Variants in NAA25 observed in about 807,000 individuals in gnomAD.
NAA25 encodes the protein N-alpha-acetyltransferase 25, NatB auxiliary subunit.
A neutral mutation model predicts 132.5 loss-of-function variants in NAA25; 30 were observed. The ratio of observed to expected loss-of-function variants is 0.23; its 90% CI spans 0.17 to 0.31. The LOEUF is 0.31. Among genes scored for constraint, NAA25 ranks in the 10% least tolerant of loss-of-function variants. NAA25 has a pLI of 1.00. For synonymous variants in NAA25, 359 were observed against 401.9 expected (o/e 0.89, Z 1.28); for missense variants, 771 against 1,150.4 (o/e 0.67, Z 4.77).
Position 112,040,491 on chromosome 12 carries a change from A to G in NAA25, c.2528T>C (p.Phe843Ser). 1 of 1,583,836 alleles carries G rather than the reference A, an allele frequency of 6.3e-7. No homozygotes were observed. Among genetic ancestry groups the G allele is most frequent in the Non-Finnish European group, 8.7e-7 (1 of 1,156,052 alleles). ...THPTLLENLVFFVETISVILW... is the reference protein window; with the variant it reads ...THPTLLENLVSFVETISVILW... The stretch of plus-strand genomic sequence containing the variant: ...AGAACAAAAACTTACCTCAACAAAG[A>G]AAACTAGATTTTCTAAAAGAGTAGG... The change falls in exon 21 of 24, where the codon TTC becomes TCC. Residue 843 changes from phenylalanine to serine, a missense_variant. Phe to Ser is a radical substitution (Grantham distance 155). Coordinates refer to ENST00000261745, the MANE Select transcript of NAA25 (RefSeq NM_024953.4).
Position 112,027,232 on chromosome 12 carries a change from A to G in NAA25, c.*2299T>C, listed in dbSNP as rs1362037345. 6.6e-6 allele frequency: 1 copy of G among 152,556 alleles called. No individual in the cohort carries two copies. Among genetic ancestry groups the G allele is most frequent in the Non-Finnish European group, 1.5e-5 (1 of 68,026 alleles). The allele number at this position is 152,556 out of a possible 1,614,324, so 9.5% of individuals were successfully genotyped here. A position where few individuals can be genotyped will look rare whatever the true frequency, so the allele number is the denominator to read the frequency against. On this transcript the variant is annotated 3_prime_UTR_variant, in exon 24 of 24. Transcript: ENST00000261745. ...CAAATCAAAAACAGCAGCAGCAGCA[A>G]TGGGTTATTTGGGAATTCTCTTCAA...
chr12:112,060,159 T>C (rs1442866159), intron 13 of NAA25, 111 bp downstream of exon 13: 1 of 776,228 alleles, frequency 1.3e-6, no homozygotes, highest in East Asian at 2.6e-5. Flanking sequence ...AAGCAGAACC[T>C]AAAAGCATAA....
Position 112,048,306 on chromosome 12 carries a change from T to C in NAA25, c.1866A>G (p.Leu622=). Residue 622 remains leucine (L), a synonymous_variant, in exon 16 of 24, where the codon CTA becomes CTG. Transcript: ENST00000261745. Reference sequence around the variant, plus strand: ...GCAATACTTACATATTTGCTTCAAGTAGAAGGTCTAACAGCATCCGTTCAG... The same window carrying C: ...GCAATACTTACATATTTGCTTCAAGCAGAAGGTCTAACAGCATCCGTTCAG... The part of the protein sequence containing the change: ...VRTERMLLDL[L]LEANISTSLA... The C allele has an allele frequency of 6.2e-7, 1 of 1,612,968 alleles. No homozygotes were observed. Among genetic ancestry groups the C allele is most frequent in the Non-Finnish European group, 8.5e-7 (1 of 1,179,266 alleles).
In NAA25 at chr12:112,075,740, C is replaced by T; in HGVS notation, c.714G>A (p.Met238Ile). The T allele has an allele frequency of 6.2e-7, 1 of 1,614,064 alleles. No homozygotes were observed. Among genetic ancestry groups the T allele is most frequent in the Non-Finnish European group, 8.5e-7 (1 of 1,179,932 alleles). ...IQSRENKCMAMYKKLSRWPEC... is the reference protein window; with the variant it reads ...IQSRENKCMAIYKKLSRWPEC... ...CTGGCCACCTGCTCAGCTTCTTGTACATAGCCATGCATTTATTTTCCCGAC... is the reference window on the plus strand; with the variant it reads ...CTGGCCACCTGCTCAGCTTCTTGTATATAGCCATGCATTTATTTTCCCGAC... Residue 238 changes from methionine to isoleucine, a missense_variant, in exon 8 of 24, where the codon ATG becomes ATA. Physicochemically the swap from Met to Ile is conservative, Grantham distance 10. Transcript: ENST00000261745.
At chr12:112,074,327 G>A (rs1461213943) in intron 9 of NAA25, among the ~76,000 whole-genome samples, 1 of 109,392 alleles carries the variant, frequency 9.1e-6, no homozygotes. Context: ...GGTGACAAGA[G>A]CCAAACTCCA....
chr12:112,042,862 C>T (rs950730394), intron 19 of NAA25, among the ~76,000 whole-genome samples: 46 of 152,214 alleles, frequency 3.0e-4, no homozygotes, highest in African/African-American at 1.1e-3. Context: ...ATTTCTTCAA[C>T]TTTTGGACCT....
intron 2 of NAA25, among the ~76,000 whole-genome samples, chr12:112,091,799 C>T (rs1566031405): frequency 6.6e-6 from 1 of 151,940 alleles, no homozygotes; most frequent in South Asian, 2.1e-4. Context: ...AAGGCCAAGG[C>T]TGTAGTGAGT....
At chr12:112,074,341 CAAAAAAAA>C (rs34077129) in intron 9 of NAA25, among the ~76,000 whole-genome samples, 8 of 34,908 alleles carry the variant, frequency 2.3e-4, no homozygotes, top group East Asian at 7.6e-4. Context: ...AACTCCATCT[CAAAAAAAA>C]AAAAAAAAAA....
intron 10 of NAA25, chr12:112,069,358 G>T (rs2078768417): frequency 4.7e-6 from 1 of 211,178 alleles, no homozygotes; most frequent in African/African-American, 2.3e-5. Context: ...ACAAAAATTA[G>T]CTGGGCGTGG....
At chr12:112,083,064 A>G (rs1177228580) in intron 4 of NAA25, among the ~76,000 whole-genome samples, 1 of 152,176 alleles carries the variant, frequency 6.6e-6, no homozygotes, top group African/African-American at 2.4e-5. Flanking sequence ...TTATAAATCT[A>G]TACTCTTCTA....
intron 1 of NAA25, among the ~76,000 whole-genome samples, chr12:112,093,433 C>T (rs989014249): frequency 4.6e-5 from 7 of 151,874 alleles, no homozygotes; most frequent in Admixed American, 2.0e-4. Flanking sequence ...CCCAGGTACT[C>T]GGGAGGCTGA....
At chr12:112,075,551 G>A in intron 8 of NAA25, 127 bp downstream of exon 8, 1 of 683,198 alleles carries the variant, frequency 1.5e-6, no homozygotes, top group African/African-American at 1.8e-5. Context: ...TTAGAAACAT[G>A]CAGGACACAA....
intron 1 of NAA25, among the ~76,000 whole-genome samples, chr12:112,102,732 G>C (rs2079311919): frequency 7.2e-6 from 1 of 138,844 alleles, no homozygotes; most frequent in Admixed American, 7.8e-5. Context: ...TGGAGCCCAG[G>C]CTGGAGTGCA....
At chr12:112,090,222 A>G (rs975010080) in intron 3 of NAA25, 1 of 152,260 alleles carries the variant, frequency 6.6e-6, no homozygotes, top group Non-Finnish European at 1.5e-5. Flanking sequence ...AGATTATTGT[A>G]TAATATGTAC....
intron 22 of NAA25, among the ~76,000 whole-genome samples, chr12:112,037,275 C>CATATATATATATAT (rs57810657): frequency 1.4e-4 from 9 of 65,186 alleles, no homozygotes; most frequent in Non-Finnish European, 2.3e-4. Flanking sequence ...TTAAAAAATA[C>CATATATATATATAT]ATATATATAT....
chr12:112,091,978 C>T (rs138491239), intron 2 of NAA25, among the ~76,000 whole-genome samples: 160 of 152,332 alleles, frequency 1.1e-3, no homozygotes, highest in Non-Finnish European at 1.7e-3. Context: ...CAGTGGCTCA[C>T]GCCTATAATC....
intron 11 of NAA25, among the ~76,000 whole-genome samples, chr12:112,062,503 T>A (rs1170628562): frequency 3.3e-5 from 5 of 151,704 alleles, no homozygotes; most frequent in African/African-American, 1.2e-4. Flanking sequence ...GGCGGGTGGA[T>A]TGCCTGAGGT....
rs2078477932 is a variant in NAA25 at position 112,052,195 on chromosome 12, A to C, written c.1728+1363T>G. Among the ~76,000 whole-genome samples, 4 of 152,152 alleles carry C rather than the reference A, an allele frequency of 2.6e-5. No individual in the cohort carries two copies. The South Asian group carries it at 8.3e-4, about 32-fold the overall frequency. On this transcript the variant is annotated intron_variant, in intron 15 of 23. Coordinates refer to ENST00000261745, the MANE Select transcript of NAA25 (RefSeq NM_024953.4). Reference sequence around the variant, plus strand: ...CTTGAAAACAGGAGGGCAAGTACAGATACTTGAACACACAATGAAAATTCA... The same window carrying C: ...CTTGAAAACAGGAGGGCAAGTACAGCTACTTGAACACACAATGAAAATTCA...
chr12:112,078,343 A>G (rs1243882113), intron 6 of NAA25, 77 bp from the exon 7 acceptor site: 5 of 1,094,914 alleles, frequency 4.6e-6, no homozygotes, highest in South Asian at 4.1e-5. Flanking sequence ...AGGTTTTTAA[A>G]AAGTTATTTA....
Sources: allele counts gnomAD v4.1 joint callset (sites outside exome capture counted in the v4.1 genomes callset), GRCh38; gene constraint gnomAD v4.1.1; transcripts MANE v1.5; gene names NCBI Gene and HGNC (gene_info 2026-07-23, HGNC 2026-07-21).